GLRA2: variants seen among roughly 807,000 people sequenced by gnomAD.
The protein encoded by GLRA2 is glycine receptor alpha 2, also known as glycine receptor subunit alpha-2.
Under a neutral mutation model 31.6 loss-of-function variants are expected in GLRA2, and 11 were observed. The observed-to-expected ratio is 0.35, with a 90% CI of 0.22 to 0.58. The LOEUF is 0.58. Ranked by LOEUF, GLRA2 falls within the 20% of genes least tolerant of loss-of-function variation. The probability of loss-of-function intolerance (pLI) is 0.84; values close to 1 mark genes in which losing one functional copy is unlikely to be tolerated. For missense variants in GLRA2, 212 were observed against 351.8 expected (o/e 0.60, Z 3.18); for synonymous variants, 132 against 134.0 (o/e 0.99, Z 0.10).
rs1363186876 is a variant in GLRA2 at position 14,598,709 on chromosome X, C to T, written c.495-5606C>T. ...CTAAATCCTTTAACCTTTCCCATTT[C>T]CACAGAATAAAAGCCTGAAATTCTC... On this transcript the variant is annotated intron_variant, in intron 4 of 8. Coordinates refer to ENST00000218075, the MANE Select transcript of GLRA2 (RefSeq NM_002063.4). 3.6e-5 allele frequency among the ~76,000 whole-genome samples: 4 copies of T among 111,691 alleles called. No individual in the cohort carries two copies. In the East Asian group the frequency reaches 1.1e-3, roughly 31 times the overall value.
At chrX:14,666,037 G>C (rs1029242561) in intron 7 of GLRA2, among the ~76,000 whole-genome samples, 2 of 104,053 alleles carry the variant, frequency 1.9e-5, no homozygotes, top group Non-Finnish European at 4.0e-5. Flanking sequence ...TGAAAAATTA[G>C]TTTATCCTAC....
At chrX:14,551,537 A>T (rs1161989409) in intron 2 of GLRA2, among the ~76,000 whole-genome samples, 1 of 111,279 alleles carries the variant, frequency 9.0e-6, no homozygotes, top group Non-Finnish European at 1.9e-5. Flanking sequence ...TACAGGGACT[A>T]CTTCCTCCAT....
chrX:14,529,168 C>T (rs1019559313), upstream of GLRA2: 1 of 110,616 alleles, frequency 9.0e-6, no homozygotes, highest in African/African-American at 3.3e-5. Context: ...TTTCAGTACT[C>T]TGAATCCTGT....
At chrX:14,535,195 T>A (rs1247106176) in intron 2 of GLRA2, among the ~76,000 whole-genome samples, 2 of 112,128 alleles carry the variant, frequency 1.8e-5, no homozygotes, top group Non-Finnish European at 3.8e-5. Flanking sequence ...AACAGAATGG[T>A]TATTCTAGAA....
intron 7 of GLRA2, among the ~76,000 whole-genome samples, chrX:14,684,822 G>A (rs1315569078): frequency 7.2e-5 from 8 of 111,031 alleles, no homozygotes; most frequent in African/African-American, 1.6e-4. Flanking sequence ...TCTCCTGCCT[G>A]ATTGCCCTGG....
chrX:14,725,207 C>T (rs1322542023), intron 8 of GLRA2, among the ~76,000 whole-genome samples: 2 of 111,686 alleles, frequency 1.8e-5, no homozygotes, highest in Admixed American at 9.5e-5. Context: ...TAAATGCTAT[C>T]CATTTATTAT....
intron 8 of GLRA2, among the ~76,000 whole-genome samples, chrX:14,698,406 C>T (rs943576434): frequency 7.3e-5 from 8 of 109,377 alleles, no homozygotes; most frequent in South Asian, 7.9e-4. Context: ...TGGCCGGGAG[C>T]GGTGGCTCAC....
intron 8 of GLRA2, among the ~76,000 whole-genome samples, chrX:14,729,459 C>T (rs1407521247): frequency 9.0e-6 from 1 of 111,514 alleles, no homozygotes; most frequent in South Asian, 3.7e-4. Context: ...GGAATAAATA[C>T]AATTTTTCAG....
At chrX:14,622,840 C>CG (rs1288288473) in intron 7 of GLRA2, among the ~76,000 whole-genome samples, 1 of 111,831 alleles carries the variant, frequency 8.9e-6, no homozygotes, top group East Asian at 2.8e-4. Context: ...AATGCAGGCT[C>CG]TTTTTTGGTT....
chrX:14,726,765 G>T (rs1183549955), intron 8 of GLRA2, among the ~76,000 whole-genome samples: 1 of 112,485 alleles, frequency 8.9e-6, no homozygotes, highest in Non-Finnish European at 1.9e-5. Flanking sequence ...TTAAATGAAT[G>T]AGTCAATCTG....
At chrX:14,717,679 G>T (rs2091808474) in intron 8 of GLRA2, among the ~76,000 whole-genome samples, 1 of 100,791 alleles carries the variant, frequency 9.9e-6, no homozygotes, top group Admixed American at 1.1e-4. Context: ...ACTTTATATG[G>T]AGTACATCAT....
At chrX:14,715,884 T>C (rs956986415) in intron 8 of GLRA2, among the ~76,000 whole-genome samples, 7 of 111,891 alleles carry the variant, frequency 6.3e-5, no homozygotes, top group African/African-American at 2.3e-4. Flanking sequence ...TCCAACGGCA[T>C]CTATTCCACT....
At chrX:14,537,640 G>A (rs753375208) in intron 2 of GLRA2, among the ~76,000 whole-genome samples, 1 of 110,741 alleles carries the variant, frequency 9.0e-6, no homozygotes, top group Non-Finnish European at 1.9e-5. Context: ...TTGGATTAAA[G>A]ATTTTATTTC....
intron 3 of GLRA2, among the ~76,000 whole-genome samples, chrX:14,577,217 C>T (rs2089967159): frequency 8.8e-6 from 1 of 113,101 alleles, no homozygotes. Flanking sequence ...TAAAGCTTTA[C>T]TTACAAAAAC....
chrX:14,481,584 G>A, the GLRA2 span, among the ~76,000 whole-genome samples: 1 of 111,681 alleles, frequency 9.0e-6, no homozygotes, highest in Non-Finnish European at 1.9e-5. Flanking sequence ...AGAATGAATG[G>A]AAGATAGAAA....
chrX:14,473,873 C>T, the GLRA2 span, among the ~76,000 whole-genome samples: 2,288 of 111,714 alleles, frequency 0.02, 76 homozygotes, highest in African/African-American at 0.07. Flanking sequence ...TTCCCCTTCA[C>T]ATTGGATGGT....
the GLRA2 span, among the ~76,000 whole-genome samples, chrX:14,467,324 A>C: frequency 8.9e-6 from 1 of 111,994 alleles, no homozygotes; most frequent in Non-Finnish European, 1.9e-5. Flanking sequence ...GATCGTGTTA[A>C]AATGCAGCCT....
the GLRA2 span, among the ~76,000 whole-genome samples, chrX:14,463,807 C>T: frequency 9.0e-6 from 1 of 111,688 alleles, no homozygotes; most frequent in Non-Finnish European, 1.9e-5. Flanking sequence ...GAGGGAAATC[C>T]CCTGACCCCT....
At chrX:14,615,554 G>C (rs1230689403) in intron 7 of GLRA2, among the ~76,000 whole-genome samples, 4 of 110,960 alleles carry the variant, frequency 3.6e-5, no homozygotes, top group Admixed American at 1.9e-4. Context: ...AGAGAAGAGA[G>C]GGGGAAGGAG....
Sources: gnomAD v4.1 joint callset for allele counts (sites outside exome capture counted in the v4.1 genomes callset) on GRCh38, gnomAD v4.1.1 for gene constraint, MANE v1.5 for transcripts, NCBI Gene and HGNC (gene_info 2026-07-23, HGNC 2026-07-21) for gene names.